The following MOB3C variants were observed in gnomAD, a reference collection of about 807,000 sequenced individuals.
MOB3C encodes the protein MOB1, Mps One Binder kinase activator-like 2C.
A neutral mutation model predicts 19.8 loss-of-function variants in MOB3C; 17 were observed. That is an observed-to-expected ratio of 0.86 (90% CI 0.59 to 1.29). The LOEUF (loss-of-function observed/expected upper bound fraction) is 1.29. MOB3C is among the 50% of genes most tolerant of loss of function. The pLI is 0.00. For missense variants in MOB3C, 291 were observed against 301.9 expected, an observed-to-expected ratio of 0.96 and a Z score of 0.27; for synonymous variants, 101 against 119.2, an observed-to-expected ratio of 0.85 and a Z score of 0.99.
intron 2 of MOB3C, among the ~76,000 whole-genome samples, chr1:46,610,820 A>G (rs183373834): frequency 2.6e-4 from 40 of 152,316 alleles, no homozygotes; most frequent in African/African-American, 9.1e-4. Flanking sequence ...TTTTTAGACT[A>G]TGATAAAAGT....
chr1:46,610,238 A>G (rs1479693544), intron 2 of MOB3C, 34 bp from the exon 3 acceptor site: 6 of 1,605,754 alleles, frequency 3.7e-6, no homozygotes, highest in South Asian at 1.1e-5. Flanking sequence ...GGGGATCAGT[A>G]TCCTGGTGCC....
intron 1 of MOB3C, chr1:46,614,899 G>C (rs990895555): frequency 8.1e-7 from 1 of 1,232,054 alleles, no homozygotes; most frequent in African/African-American, 1.5e-5. Context: ...GGGCAGTCTG[G>C]TAAAATGAGA....
intron 1 of MOB3C, chr1:46,613,939 C>T (rs1675521092): frequency 6.6e-6 from 1 of 152,316 alleles, no homozygotes; most frequent in Non-Finnish European, 1.5e-5. Flanking sequence ...AGGAAAGGGC[C>T]CTCCCGCTGC....
rs112622804 is a variant in MOB3C at position 46,613,081 on chromosome 1, G to T, written c.241C>A (p.Arg81Ser). 1 of 1,614,054 alleles carries T rather than the reference G, an allele frequency of 6.2e-7. No homozygotes were observed. Among genetic ancestry groups the T allele is most frequent in the Non-Finnish European group, 8.5e-7 (1 of 1,180,024 alleles). ...ACCGGGCAGCTGGTCTCACTGCAGC[G>T]CTCCGCCATAGTGCCGTAGATGAGG... The part of the protein sequence containing the change: ...INLIYGTMAE[R>S]CSETSCPVMA... The change falls in exon 2 of 4, where the codon CGC (arginine) becomes AGC (serine). Residue 81 changes from arginine (R) to serine (S), a missense_variant. Arg to Ser is a moderately radical substitution (Grantham distance 110). Transcript: ENST00000319928.
chr1:46,613,258 C>T lies in MOB3C; in HGVS notation c.64G>A (p.Glu22Lys), dbSNP rs1026421185. Residue 22 changes from glutamate to lysine, a missense_variant, in exon 2 of 4, where the codon GAG becomes AAG. Physicochemically the swap from Glu to Lys is moderately conservative, Grantham distance 56 (BLOSUM62 1). Transcript: ENST00000319928. ...DKTFRPRKRF[E>K]PGTQRFELYK... ...AGCTCAAAGCGCTGTGTGCCCGGCTCAAAGCGCTTCCGCGGCCGGAACGTC... is the reference window on the plus strand; with the variant it reads ...AGCTCAAAGCGCTGTGTGCCCGGCTTAAAGCGCTTCCGCGGCCGGAACGTC... 6.2e-7 allele frequency: 1 copy of T among 1,613,820 alleles called. No homozygotes were observed. The highest frequency in any genetic ancestry group is 8.5e-7 in the Non-Finnish European group (1 of 1,180,042).
intron 1 of MOB3C, chr1:46,615,441 T>G (rs1675543692): frequency 4.2e-6 from 1 of 240,124 alleles, no homozygotes; most frequent in African/African-American, 2.2e-5. Context: ...TTTTGGTCAT[T>G]GCAGTCTCCA....
intron 1 of MOB3C, chr1:46,614,973 A>G: frequency 6.2e-7 from 1 of 1,604,134 alleles, no homozygotes; most frequent in Non-Finnish European, 8.5e-7. Context: ...AAACTCACAG[A>G]TGTGAAAGGT....
chr1:46,616,452 G>A (rs1342551134), intron 1 of MOB3C: 2 of 152,398 alleles, frequency 1.3e-5, no homozygotes, highest in African/African-American at 2.4e-5. Flanking sequence ...GGACCCAGAG[G>A]AGCCCGCCTG....
At position 46,609,692 on chromosome 1, in the gene MOB3C, G is replaced by A. The variant is rs1258041982; in HGVS notation, c.622-8C>T. ...CCGCTCTGTCATCTCCCTCTGTAGAGACACAAGGTAGGGAGGGGTCAATTA... is the reference window on the plus strand; with the variant it reads ...CCGCTCTGTCATCTCCCTCTGTAGAAACACAAGGTAGGGAGGGGTCAATTA... On this transcript the variant is annotated splice_region_variant and splice_polypyrimidine_tract_variant and intron_variant, in intron 3 of 3. Coordinates refer to ENST00000319928, the MANE Select transcript of MOB3C (RefSeq NM_201403.3). The A allele has an allele frequency of 2.5e-6, 4 of 1,614,136 alleles. No individual in the cohort carries two copies. The highest frequency in any genetic ancestry group is 1.3e-5 in the African/African-American group (1 of 75,046).
intron 1 of MOB3C, chr1:46,614,848 C>T: frequency 4.4e-6 from 3 of 681,806 alleles, no homozygotes; most frequent in Non-Finnish European, 7.4e-6. Context: ...CTGTTTGAGA[C>T]AAAGGTCCTT....
intron 2 of MOB3C, 98 bp downstream of exon 2, chr1:46,612,805 GA>G: frequency 8.1e-7 from 1 of 1,231,918 alleles, no homozygotes; most frequent in Non-Finnish European, 1.1e-6. Flanking sequence ...AAATGGGGAT[GA>G]AAATCAACCC....
At chr1:46,612,130 A>G (rs538209859) in intron 2 of MOB3C, among the ~76,000 whole-genome samples, 4 of 151,302 alleles carry the variant, frequency 2.6e-5, no homozygotes, top group African/African-American at 9.7e-5. Flanking sequence ...CCCTACCCTC[A>G]CCCGCCCAGG....
In MOB3C at chr1:46,609,220, C is replaced by T. The variant is rs189962625; in HGVS notation, c.*435G>A. ...AAGGCAGCTAGCTCTCACAGACACA[C>T]CCCACAGTGAAAATCACACACACAC... is the stretch of plus-strand genomic sequence containing the variant. On this transcript the variant is annotated 3_prime_UTR_variant, in exon 4 of 4. Coordinates refer to ENST00000319928, the MANE Select transcript of MOB3C (RefSeq NM_201403.3). 317 of 251,846 alleles carry T rather than the reference C, an allele frequency of 1.3e-3. 1 individual carries two copies. Among genetic ancestry groups the T allele is most frequent in the African/African-American group, 7.0e-3 (308 of 43,710 alleles). 15.6% of individuals were successfully genotyped at this position (251,846 alleles called of 1,614,324 possible). A position where few individuals can be genotyped will look rare whatever the true frequency, so the allele number is the denominator to read the frequency against.
In MOB3C at chr1:46,608,303, AC is replaced by A. The variant is rs1334377741; in HGVS notation, c.*1351del. The A allele has an allele frequency of 2.0e-5, 3 of 152,102 alleles. No individual in the cohort carries two copies. The highest frequency in any genetic ancestry group is 4.4e-5 in the Non-Finnish European group (3 of 68,032). 9.4% of individuals were successfully genotyped at this position (152,102 alleles called of 1,614,324 possible). On this transcript the variant is annotated 3_prime_UTR_variant, in exon 4 of 4. Coordinates refer to ENST00000319928, the MANE Select transcript of MOB3C (RefSeq NM_201403.3). This position sits in a 1 kb window ranked among gnomAD's most constrained non-coding sequence, Gnocchi z 4.5. ...TCAGTTTCCCCGTATGTACATTGAGACAGTAAGACTGGATGATTCTCAGGTT... is the reference window on the plus strand; with the variant it reads ...TCAGTTTCCCCGTATGTACATTGAGAAGTAAGACTGGATGATTCTCAGGTT...
At chr1:46,612,879 TC>T in intron 2 of MOB3C, 24 bp downstream of exon 2, 1 of 1,525,776 alleles carries the variant, frequency 6.6e-7, no homozygotes, top group Non-Finnish European at 8.8e-7. Context: ...TCCCAGTGGC[TC>T]CCTCCCCGCC....
At chr1:46,609,898 A>C in intron 3 of MOB3C, 104 bp downstream of exon 3, 1 of 1,362,094 alleles carries the variant, frequency 7.3e-7, no homozygotes, top group Non-Finnish European at 1.0e-6. Context: ...GCCTTCCCCT[A>C]ATTCATCTAC....
chr1:46,614,686 G>A (rs1332358111), intron 1 of MOB3C: 3 of 363,164 alleles, frequency 8.3e-6, no homozygotes, highest in Non-Finnish European at 1.5e-5. Context: ...TCTGACGCTG[G>A]AGCACTGTCC....
At chr1:46,616,214 C>G (rs551536547) in intron 1 of MOB3C, 19 of 152,430 alleles carry the variant, frequency 1.2e-4, no homozygotes, top group Non-Finnish European at 1.8e-4. Context: ...TGATATTTAG[C>G]CCCCTGCTAG....
At chr1:46,615,129 A>G in intron 1 of MOB3C, 2 of 1,433,800 alleles carry the variant, frequency 1.4e-6, no homozygotes, top group Non-Finnish European at 2.0e-6. Flanking sequence ...AAAATCCCTC[A>G]CACTGCAATT....
Sources: gnomAD v4.1 joint callset for allele counts (sites outside exome capture counted in the v4.1 genomes callset) on GRCh38, gnomAD v4.1.1 for gene constraint, Gnocchi (gnomAD v3.1) non-coding constraint, MANE v1.5 for transcripts, NCBI Gene and HGNC (gene_info 2026-07-23, HGNC 2026-07-21) for gene names.